Variants in PRKCA observed in about 807,000 individuals in gnomAD.
The protein encoded by PRKCA is protein kinase C alpha type.
Under a neutral mutation model 87.0 loss-of-function variants are expected in PRKCA, and 27 were observed. The observed-to-expected ratio is 0.31, with a 90% CI of 0.23 to 0.43. The LOEUF is 0.43. Among genes scored for constraint, PRKCA ranks in the 20% least tolerant of loss-of-function variants. The pLI, the probability that PRKCA is intolerant of heterozygous loss-of-function variation, is 1.00. For missense variants in PRKCA, 518 were observed against 852.3 expected, an observed-to-expected ratio of 0.61 and a Z score of 4.88; for synonymous variants, 329 against 311.1, an observed-to-expected ratio of 1.06 and a Z score of -0.61.
At chr17:66,589,271 G>A (rs150021934) in intron 3 of PRKCA, among the ~76,000 whole-genome samples, 2 of 151,960 alleles carry the variant, frequency 1.3e-5, no homozygotes, top group South Asian at 4.2e-4. Flanking sequence ...ACGGCTGTTA[G>A]TACCCTGAAA....
chr17:66,634,165 C>T (rs892338166), intron 3 of PRKCA, among the ~76,000 whole-genome samples: 1 of 152,148 alleles, frequency 6.6e-6, no homozygotes, highest in Non-Finnish European at 1.5e-5. Flanking sequence ...GAGAAACAGG[C>T]CAGCGGATGC....
At chr17:66,479,046 G>C (rs1426956712) in intron 2 of PRKCA, among the ~76,000 whole-genome samples, 1 of 152,142 alleles carries the variant, frequency 6.6e-6, no homozygotes, top group Non-Finnish European at 1.5e-5. Context: ...AAACTTAACA[G>C]CTTCTTCACA....
At chr17:66,353,623 G>C (rs554759716) in intron 2 of PRKCA, among the ~76,000 whole-genome samples, 34 of 152,340 alleles carry the variant, frequency 2.2e-4, no homozygotes, top group African/African-American at 8.2e-4. Flanking sequence ...GGCTGAGGCG[G>C]GAGAATTGCT....
At chr17:66,699,076 G>A (rs991121241) in intron 8 of PRKCA, among the ~76,000 whole-genome samples, 8 of 133,426 alleles carry the variant, frequency 6.0e-5, no homozygotes, top group Non-Finnish European at 8.4e-5. Flanking sequence ...GCATGTGCCT[G>A]TAGTCCCAGC....
At chr17:66,688,704 G>A (rs975742545) in intron 7 of PRKCA, among the ~76,000 whole-genome samples, 7 of 152,122 alleles carry the variant, frequency 4.6e-5, no homozygotes, top group African/African-American at 1.4e-4. Context: ...CCAGGAGGCC[G>A]AGGCATGAGG....
At chr17:66,385,491 A>G (rs1227281904) in intron 2 of PRKCA, among the ~76,000 whole-genome samples, 1 of 152,210 alleles carries the variant, frequency 6.6e-6, no homozygotes, top group Non-Finnish European at 1.5e-5. Flanking sequence ...TGTAATACAA[A>G]GCCCATGATT....
chr17:66,559,479 C>T (rs1179478745), intron 3 of PRKCA, among the ~76,000 whole-genome samples: 11 of 36,688 alleles, frequency 3.0e-4, no homozygotes, highest in Admixed American at 4.0e-4. Flanking sequence ...TCTGTCTCAC[C>T]AAAAAAAAAA....
At chr17:66,610,382 CTGA>C (rs1189312803) in intron 3 of PRKCA, among the ~76,000 whole-genome samples, 2 of 152,124 alleles carry the variant, frequency 1.3e-5, no homozygotes, top group Non-Finnish European at 2.9e-5. Context: ...ACAGGCATGA[CTGA>C]TGATTCACTC....
At chr17:66,487,048 G>A (rs908643753) in intron 2 of PRKCA, among the ~76,000 whole-genome samples, 2 of 152,116 alleles carry the variant, frequency 1.3e-5, no homozygotes, top group Admixed American at 6.5e-5. Context: ...GAACATTACA[G>A]ATCTTTTCTT....
chr17:66,674,009 C>T (rs749604060), intron 5 of PRKCA, among the ~76,000 whole-genome samples: 13 of 152,226 alleles, frequency 8.5e-5, no homozygotes, highest in Non-Finnish European at 1.5e-4. Context: ...TCCAAATGGA[C>T]GCTTTATGTA....
chr17:66,326,043 T>C (rs1905961633), intron 2 of PRKCA, among the ~76,000 whole-genome samples: 1 of 152,148 alleles, frequency 6.6e-6, no homozygotes, highest in East Asian at 1.9e-4. Context: ...GACCTACCAT[T>C]TGTTGAGAAC....
intron 2 of PRKCA, among the ~76,000 whole-genome samples, chr17:66,317,744 A>G (rs1204539530): frequency 2.0e-5 from 3 of 152,196 alleles, no homozygotes; most frequent in Admixed American, 2.0e-4. Flanking sequence ...GACTTCCATT[A>G]GCTTCCATTC....
At chr17:66,672,594 A>T (rs1382752876) in intron 5 of PRKCA, among the ~76,000 whole-genome samples, 3 of 152,232 alleles carry the variant, frequency 2.0e-5, no homozygotes, top group Non-Finnish European at 4.4e-5. Context: ...TCAGACTTGC[A>T]CAGCATAAAT....
intron 2 of PRKCA, among the ~76,000 whole-genome samples, chr17:66,345,421 A>G (rs1477320714): frequency 2.0e-5 from 3 of 152,158 alleles, no homozygotes; most frequent in Non-Finnish European, 2.9e-5. Context: ...CTTTCAGAGT[A>G]GTGTTTATAT....
intron 2 of PRKCA, among the ~76,000 whole-genome samples, chr17:66,487,190 C>T (rs1430459121): frequency 1.3e-5 from 2 of 152,142 alleles, no homozygotes; most frequent in Non-Finnish European, 2.9e-5. Flanking sequence ...TCCCTTTCTC[C>T]TCTTTTTTCT....
intron 13 of PRKCA, among the ~76,000 whole-genome samples, chr17:66,764,225 T>C (rs558606022): frequency 6.6e-6 from 1 of 152,304 alleles, no homozygotes; most frequent in East Asian, 1.9e-4. Flanking sequence ...CCTACTGTGG[T>C]GATGTTGGTT....
chr17:66,588,801 C>T (rs183262265), intron 3 of PRKCA, among the ~76,000 whole-genome samples: 2 of 151,798 alleles, frequency 1.3e-5, no homozygotes, highest in South Asian at 2.1e-4. Flanking sequence ...CCACCATGCT[C>T]GGCTGATTTT....
chr17:66,348,955 A>G (rs1907569293), intron 2 of PRKCA, among the ~76,000 whole-genome samples: 1 of 152,346 alleles, frequency 6.6e-6, no homozygotes, highest in South Asian at 2.1e-4. Context: ...CTGAGAATGT[A>G]TCAAGGGTTT....
At chr17:66,371,015 TC>T (rs1246171352) in intron 2 of PRKCA, among the ~76,000 whole-genome samples, 2 of 152,214 alleles carry the variant, frequency 1.3e-5, no homozygotes, top group African/African-American at 4.8e-5. Context: ...CCGAAACAAA[TC>T]ACATCCTGTT....
Sources: allele counts gnomAD v4.1 joint callset (sites outside exome capture counted in the v4.1 genomes callset), GRCh38; gene constraint gnomAD v4.1.1; transcripts MANE v1.5; gene names NCBI Gene and HGNC (gene_info 2026-07-23, HGNC 2026-07-21).